The following PTPRN2 variants were observed in gnomAD, a reference collection of about 807,000 sequenced individuals.
PTPRN2 encodes the protein protein tyrosine phosphatase receptor type N2.
A neutral mutation model predicts 118.8 loss-of-function variants in PTPRN2; 74 were observed. The ratio of observed to expected loss-of-function variants is 0.62; its 90% CI spans 0.52 to 0.76. The LOEUF is 0.76. Among genes scored for constraint, PTPRN2 ranks in the 30% least tolerant of loss-of-function variants. The pLI is 0.00. For missense variants in PTPRN2, 1,481 were observed against 1,394.4 expected, an observed-to-expected ratio of 1.06 and a Z score of -0.99; for synonymous variants, 641 against 608.0, an observed-to-expected ratio of 1.05 and a Z score of -0.80.
At position 158,341,360 on chromosome 7, in the gene PTPRN2, A is replaced by C. The variant is rs62493630; in HGVS notation, c.164-24428T>G. The stretch of plus-strand genomic sequence containing the variant: ...CCACACTCTCACCATAAGAGGTAAC[A>C]CATGCAGACGTCACTCACACCCACA... On this transcript the variant is annotated intron_variant, in intron 2 of 22. Coordinates refer to ENST00000389418, the MANE Select transcript of PTPRN2 (RefSeq NM_002847.5). Among the ~76,000 whole-genome samples the C allele has an allele frequency of 5.6e-5, 7 of 124,086 alleles. 2 individuals are homozygous for C. The highest frequency in any genetic ancestry group is 6.5e-5 in the African/African-American group (2 of 30,690). 81.4% of individuals were successfully genotyped at this position (124,086 alleles called of 152,430 possible).
In PTPRN2 at chr7:157,794,663, ATT is replaced by A. The variant is rs1804752770; in HGVS notation, c.1788+104008_1788+104009del. On this transcript the variant is annotated intron_variant, in intron 12 of 22. Transcript: ENST00000389418. The surrounding 1 kb of genome is among the most constrained non-coding windows in gnomAD (Gnocchi z 5.2). Reference sequence around the variant, plus strand: ...AAAGTGGGTGCCTTCTGTATTTTACATTTTTTATTGTGTCACTTACTGCAAAG... The same window carrying A: ...AAAGTGGGTGCCTTCTGTATTTTACATTTTATTGTGTCACTTACTGCAAAG... 1.3e-5 allele frequency among the ~76,000 whole-genome samples: 2 copies of A among 152,104 alleles called. No individual in the cohort carries two copies. The highest frequency in any genetic ancestry group is 4.8e-5 in the African/African-American group (2 of 41,410).
In PTPRN2 at chr7:157,893,395, A is replaced by G. The variant is rs1469622054; in HGVS notation, c.1788+5278T>C. ...CCACGGTCCCCCGCAGTCTAGGGAG[A>G]ACCTTCCTTCCCACATATGAGATGG... On this transcript the variant is annotated intron_variant, in intron 12 of 22. Transcript: ENST00000389418. The surrounding 1 kb of genome is among the most constrained non-coding windows in gnomAD (Gnocchi z 4.0). Among the ~76,000 whole-genome samples the G allele has an allele frequency of 1.3e-5, 2 of 152,144 alleles. No homozygotes were observed. The highest frequency in any genetic ancestry group is 4.8e-5 in the African/African-American group (2 of 41,416).
At chr7:158,100,781 A>T (rs1224385160) in intron 10 of PTPRN2, among the ~76,000 whole-genome samples, 2 of 152,076 alleles carry the variant, frequency 1.3e-5, no homozygotes, top group Non-Finnish European at 2.9e-5. Context: ...TTCTTTGTAG[A>T]GTCTGGATAT....
chr7:158,353,237 T>C (rs1808146320), intron 2 of PTPRN2, among the ~76,000 whole-genome samples: 1 of 152,348 alleles, frequency 6.6e-6, no homozygotes, highest in Non-Finnish European at 1.5e-5. Flanking sequence ...TGGGGCACTC[T>C]AGCATCCCAC....
chr7:157,642,264 C>T (rs1306248099), intron 14 of PTPRN2, among the ~76,000 whole-genome samples: 1 of 152,246 alleles, frequency 6.6e-6, no homozygotes, highest in Non-Finnish European at 1.5e-5. Flanking sequence ...GTCCTCTGCC[C>T]AGGAGCCGTG....
At chr7:158,370,680 A>G (rs1227637367) in intron 2 of PTPRN2, among the ~76,000 whole-genome samples, 1 of 151,974 alleles carries the variant, frequency 6.6e-6, no homozygotes, top group Non-Finnish European at 1.5e-5. Flanking sequence ...TAAACCCAGG[A>G]GGCGGAGCTT....
At chr7:158,225,924 T>C (rs1828737074) in intron 3 of PTPRN2, among the ~76,000 whole-genome samples, 2 of 148,842 alleles carry the variant, frequency 1.3e-5, no homozygotes, top group African/African-American at 5.0e-5. Context: ...GGGAGGGGAG[T>C]TGCATAGTCA....
intron 9 of PTPRN2, among the ~76,000 whole-genome samples, chr7:158,119,968 C>T (rs551126518): frequency 6.6e-6 from 1 of 152,236 alleles, no homozygotes; most frequent in African/African-American, 2.4e-5. Context: ...TAGTGATGGA[C>T]AAATGGAGGA....
chr7:158,486,312 T>C (rs932873489), intron 2 of PTPRN2, among the ~76,000 whole-genome samples: 1 of 152,260 alleles, frequency 6.6e-6, no homozygotes, highest in African/African-American at 2.4e-5. Context: ...TATTTTAATC[T>C]TCATAGATTT....
chr7:157,994,109 G>A (rs1320260963), intron 11 of PTPRN2, among the ~76,000 whole-genome samples: 2 of 152,104 alleles, frequency 1.3e-5, no homozygotes, highest in African/African-American at 4.8e-5. Context: ...AATGTATCAC[G>A]TTGTTTTCCT....
chr7:158,139,373 G>C (rs145377641), intron 6 of PTPRN2, among the ~76,000 whole-genome samples: 40 of 152,066 alleles, frequency 2.6e-4, no homozygotes, highest in African/African-American at 9.2e-4. Context: ...CGGAAGAAAC[G>C]GTTTGTGAAT....
At chr7:157,697,632 G>A (rs35246666) in intron 12 of PTPRN2, among the ~76,000 whole-genome samples, 34,275 of 83,450 alleles carry the variant, frequency 0.41, 7,076 homozygotes, top group East Asian at 0.68. Context: ...AGCCCTCACC[G>A]TCTACCCATG....
At chr7:158,147,595 C>A (rs1820266050) in intron 6 of PTPRN2, among the ~76,000 whole-genome samples, 1 of 132,256 alleles carries the variant, frequency 7.6e-6, no homozygotes, top group African/African-American at 3.0e-5. Flanking sequence ...TGTCTTTCCC[C>A]CTCAATGACA....
chr7:158,359,618 A>C (rs1808684889), intron 2 of PTPRN2, among the ~76,000 whole-genome samples: 1 of 152,160 alleles, frequency 6.6e-6, no homozygotes, highest in African/African-American at 2.4e-5. Flanking sequence ...ATTCTGTAAA[A>C]CCAACATGGG....
Position 157,595,343 on chromosome 7 carries a change from G to A in PTPRN2, c.2419-28C>T, listed in dbSNP as rs765060927. The A allele has an allele frequency of 3.1e-6, 5 of 1,607,502 alleles. No homozygotes were observed. The Admixed American group carries it at 8.3e-5, about 27-fold the overall frequency. On this transcript the variant is annotated intron_variant, in intron 16 of 22. Coordinates refer to ENST00000389418, the MANE Select transcript of PTPRN2 (RefSeq NM_002847.5). ...GCAGAGACAAGACCACACCACAGCG[G>A]TTAGCCAGGAGATTAGGAAGCCTGG... is the stretch of plus-strand genomic sequence containing the variant.
At chr7:157,541,186 G>A (rs138581069) in intron 22 of PTPRN2, among the ~76,000 whole-genome samples, 19 of 152,340 alleles carry the variant, frequency 1.2e-4, no homozygotes, top group Non-Finnish European at 2.5e-4. Flanking sequence ...TGAGGGGCAG[G>A]TGCAGACACT....
intron 2 of PTPRN2, among the ~76,000 whole-genome samples, chr7:158,381,303 C>A (rs1423279177): frequency 6.6e-6 from 1 of 152,190 alleles, no homozygotes; most frequent in African/African-American, 2.4e-5. Flanking sequence ...CCCAAGTCAC[C>A]TTTTGAATGC....
chr7:158,228,238 T>C (rs1828942508), intron 3 of PTPRN2, among the ~76,000 whole-genome samples: 1 of 152,124 alleles, frequency 6.6e-6, no homozygotes, highest in African/African-American at 2.4e-5. Context: ...AAATAACTTA[T>C]TTATCCCACC....
At chr7:158,132,496 CACAT>C (rs1563482662) in intron 9 of PTPRN2, among the ~76,000 whole-genome samples, 2 of 151,700 alleles carry the variant, frequency 1.3e-5, no homozygotes, top group East Asian at 1.9e-4. Context: ...CACGCACATG[CACAT>C]ACAGATGCAC....
Sources: gnomAD v4.1 joint callset for allele counts (sites outside exome capture counted in the v4.1 genomes callset) on GRCh38, gnomAD v4.1.1 for gene constraint, Gnocchi (gnomAD v3.1) non-coding constraint, MANE v1.5 for transcripts, NCBI Gene and HGNC (gene_info 2026-07-23, HGNC 2026-07-21) for gene names.